CSMD2: variants seen among roughly 807,000 people sequenced by gnomAD.
CSMD2 encodes CUB and Sushi multiple domains 2, also known as CUB and sushi domain-containing protein 2.
In CSMD2, 130 loss-of-function variants were observed where a neutral mutation model predicts 398.5. The observed-to-expected ratio is 0.33, with a 90% CI of 0.28 to 0.38. The LOEUF is 0.38. Ranked by LOEUF, CSMD2 falls within the 10% of genes least tolerant of loss-of-function variation. CSMD2 has a pLI of 1.00. For missense variants in CSMD2, 3,829 were observed against 4,764.9 expected (o/e 0.80, Z 5.78); for synonymous variants, 1,828 against 1,908.5 (o/e 0.96, Z 1.10).
At chr1:33,548,664 C>A (rs537885370) in intron 56 of CSMD2, among the ~76,000 whole-genome samples, 2 of 152,206 alleles carry the variant, frequency 1.3e-5, no homozygotes, top group African/African-American at 4.8e-5. Context: ...TGGTATATAC[C>A]TAATGTTACT....
rs41265909 is a variant in CSMD2, at chr1:33,514,503, G to T, written c.*2121C>A. The T allele has an allele frequency of 4.0e-3, 590 of 145,892 alleles. 1 individual carries two copies. Among genetic ancestry groups the T allele is most frequent in the Middle Eastern group, 0.012 (3 of 260 alleles). The allele number at this position is 145,892 out of a possible 1,614,324, so 9.0% of individuals were successfully genotyped here. A position where few individuals can be genotyped will look rare whatever the true frequency, so the allele number is the denominator to read the frequency against. ...GGGGTGCGGAGGGTGATGCCCAGCA[G>T]AGTGCTGGGTGCCCCACCAGCAGGT... On this transcript the variant is annotated 3_prime_UTR_variant, in exon 71 of 71. Coordinates refer to ENST00000373381, the MANE Select transcript of CSMD2 (RefSeq NM_001281956.2).
intron 22 of CSMD2, among the ~76,000 whole-genome samples, chr1:33,705,842 TTTGA>T (rs1181639813): frequency 6.6e-6 from 1 of 152,056 alleles, no homozygotes; most frequent in Non-Finnish European, 1.5e-5. Context: ...CTCCTATATC[TTTGA>T]TTATGTCCCT....
intron 5 of CSMD2, among the ~76,000 whole-genome samples, chr1:33,880,938 G>A (rs769121498): frequency 1.3e-5 from 2 of 152,156 alleles, no homozygotes; most frequent in Non-Finnish European, 2.9e-5. Flanking sequence ...CAAGGAGAAA[G>A]GTAATTACTG....
In CSMD2 at chr1:33,825,156, C is replaced by A. The variant is rs1274971034; in HGVS notation, c.1111+541G>T. Among the ~76,000 whole-genome samples, 3 of 151,888 alleles carry A rather than the reference C, an allele frequency of 2.0e-5. No individual in the cohort carries two copies. In the East Asian group the frequency reaches 5.8e-4, roughly 30 times the overall value. On this transcript the variant is annotated intron_variant, in intron 7 of 70. Coordinates refer to ENST00000373381, the MANE Select transcript of CSMD2 (RefSeq NM_001281956.2). ...CCTCCCCATGCCCAAGAAGAGAGCC[C>A]CCAGTGCCTCCCCATTGACCCGAGG...
intron 55 of CSMD2, among the ~76,000 whole-genome samples, chr1:33,552,325 C>T (rs571030423): frequency 1.3e-5 from 2 of 152,272 alleles, no homozygotes; most frequent in South Asian, 4.1e-4. Context: ...AATGGTGCAA[C>T]CACTTTGGAA....
At chr1:33,564,292 T>C (rs548069157) in intron 53 of CSMD2, among the ~76,000 whole-genome samples, 2 of 152,304 alleles carry the variant, frequency 1.3e-5, no homozygotes, top group South Asian at 2.1e-4. Flanking sequence ...GATCTGATGG[T>C]AGAGCTGAGA....
At chr1:33,958,704 T>C (rs1381228942) in intron 3 of CSMD2, among the ~76,000 whole-genome samples, 5 of 152,168 alleles carry the variant, frequency 3.3e-5, no homozygotes, top group Non-Finnish European at 7.4e-5. Flanking sequence ...TCATGTGAAC[T>C]TGAGAGAGGC....
chr1:33,881,321 A>G (rs1332717726), intron 5 of CSMD2, among the ~76,000 whole-genome samples: 3 of 152,224 alleles, frequency 2.0e-5, no homozygotes, highest in African/African-American at 7.2e-5. Flanking sequence ...AATAACAGCT[A>G]CTAAATAAGT....
intron 39 of CSMD2, among the ~76,000 whole-genome samples, chr1:33,616,698 T>C (rs950803912): frequency 4.6e-5 from 7 of 152,232 alleles, no homozygotes; most frequent in Admixed American, 4.6e-4. Flanking sequence ...TAACTTTTCA[T>C]TTGGTGGGGC....
At chr1:33,581,212 C>G (rs1356643106) in intron 47 of CSMD2, among the ~76,000 whole-genome samples, 1 of 151,936 alleles carries the variant, frequency 6.6e-6, no homozygotes, top group East Asian at 1.9e-4. Flanking sequence ...AAACTGGGAA[C>G]TTCTTCCACT....
chr1:33,999,789 CCAAGATATT>C (rs962718897), intron 3 of CSMD2, among the ~76,000 whole-genome samples: 1 of 152,004 alleles, frequency 6.6e-6, no homozygotes, highest in Non-Finnish European at 1.5e-5. Flanking sequence ...GACATACACT[CCAAGATATT>C]CATCATAGCC....
At chr1:33,921,910 A>C (rs1264123508) in intron 4 of CSMD2, among the ~76,000 whole-genome samples, 2 of 152,122 alleles carry the variant, frequency 1.3e-5, no homozygotes, top group African/African-American at 4.8e-5. Flanking sequence ...CAGAGAATGG[A>C]GAAGAGGTTT....
rs1015675678 is a variant in CSMD2 at position 33,559,834 on chromosome 1, C to A, written c.8381-361G>T. On this transcript the variant is annotated intron_variant, in intron 53 of 70. Transcript: ENST00000373381. This position sits in a 1 kb window ranked among gnomAD's most constrained non-coding sequence, Gnocchi z 4.0. ...AATTGCTGGGTATACTGATGGCCAA[C>A]TGTCAGCTGGTTTAGGCCCATCCTC... 6.6e-6 allele frequency among the ~76,000 whole-genome samples: 1 copy of A among 152,130 alleles called. No individual in the cohort carries two copies. The highest frequency in any genetic ancestry group is 1.5e-5 in the Non-Finnish European group (1 of 68,022).
At chr1:33,787,540 G>T (rs2336642) in intron 12 of CSMD2, among the ~76,000 whole-genome samples, 18,938 of 152,174 alleles carry the variant, frequency 0.12, 1,502 homozygotes, top group Non-Finnish European at 0.18. Flanking sequence ...TCCCTTCTCT[G>T]TGCTCCCACT....
intron 2 of CSMD2, among the ~76,000 whole-genome samples, chr1:34,048,615 C>T (rs569426160): frequency 1.3e-5 from 2 of 152,224 alleles, no homozygotes; most frequent in South Asian, 2.1e-4. Flanking sequence ...AGAAGATGGA[C>T]AGAAAGAATG....
At chr1:34,077,916 C>T (rs1434026723) in intron 2 of CSMD2, among the ~76,000 whole-genome samples, 2 of 152,150 alleles carry the variant, frequency 1.3e-5, no homozygotes, top group Non-Finnish European at 2.9e-5. Context: ...AGAACCAGCA[C>T]ATGTAACCTC....
At chr1:33,797,344 C>T (rs1655076482) in intron 10 of CSMD2, among the ~76,000 whole-genome samples, 1 of 152,222 alleles carries the variant, frequency 6.6e-6, no homozygotes, top group African/African-American at 2.4e-5. Flanking sequence ...CTCTTTATTT[C>T]TCAGCCAGCT....
At chr1:34,007,153 G>C (rs917575560) in intron 3 of CSMD2, among the ~76,000 whole-genome samples, 1 of 151,812 alleles carries the variant, frequency 6.6e-6, no homozygotes, top group South Asian at 2.1e-4. Flanking sequence ...GGCCCGCCTC[G>C]ACCTGAAGCT....
At chr1:34,118,749 T>G (rs979780025) in intron 1 of CSMD2, among the ~76,000 whole-genome samples, 2 of 152,218 alleles carry the variant, frequency 1.3e-5, no homozygotes, top group African/African-American at 2.4e-5. Flanking sequence ...AACTGAAAAC[T>G]ATAGAACATT....
Sources: gnomAD v4.1 joint callset for allele counts (sites outside exome capture counted in the v4.1 genomes callset) on GRCh38, gnomAD v4.1.1 for gene constraint, Gnocchi (gnomAD v3.1) non-coding constraint, MANE v1.5 for transcripts, NCBI Gene and HGNC (gene_info 2026-07-23, HGNC 2026-07-21) for gene names.